The following CTNNA3 variants were observed in gnomAD, a reference collection of about 807,000 sequenced individuals.
CTNNA3 encodes the protein catenin alpha-3.
Under a neutral mutation model 95.7 loss-of-function variants are expected in CTNNA3, and 76 were observed. The ratio of observed to expected loss-of-function variants is 0.79; its 90% CI spans 0.66 to 0.96. The LOEUF is 0.96. Among genes scored for constraint, CTNNA3 ranks in the 40% least tolerant of loss-of-function variants. The pLI is 0.00. For missense variants in CTNNA3, 1,191 were observed against 1,089.8 expected, an observed-to-expected ratio of 1.09 and a Z score of -1.31; for synonymous variants, 431 against 374.4, an observed-to-expected ratio of 1.15 and a Z score of -1.74.
intron 13 of CTNNA3, among the ~76,000 whole-genome samples, chr10:66,123,812 T>G (rs112952262): frequency 1.4e-3 from 209 of 152,258 alleles, no homozygotes; most frequent in African/African-American, 4.9e-3. Context: ...AAGCTCGACA[T>G]TTGCCCCTTT....
At chr10:66,869,305 A>C (rs1421024453) in intron 7 of CTNNA3, among the ~76,000 whole-genome samples, 1 of 152,130 alleles carries the variant, frequency 6.6e-6, no homozygotes, top group Non-Finnish European at 1.5e-5. Context: ...TAAAAGAACA[A>C]TCAGGGCTGG....
At chr10:67,005,752 C>T (rs2140376) in intron 7 of CTNNA3, among the ~76,000 whole-genome samples, 73,070 of 133,648 alleles carry the variant, frequency 0.55, 19,849 homozygotes, top group Middle Eastern at 0.75. Flanking sequence ...ATGGTATGAT[C>T]TTGACTCACT....
intron 9 of CTNNA3, among the ~76,000 whole-genome samples, chr10:66,667,927 A>G (rs1846514454): frequency 1.3e-5 from 2 of 152,126 alleles, no homozygotes; most frequent in Non-Finnish European, 2.9e-5. Flanking sequence ...ATATACTCTT[A>G]TAGTGCCCAC....
intron 15 of CTNNA3, among the ~76,000 whole-genome samples, chr10:66,048,872 C>G (rs1011041152): frequency 2.0e-5 from 3 of 152,138 alleles, no homozygotes; most frequent in Non-Finnish European, 4.4e-5. Context: ...TCTGGACATA[C>G]AAACAGGCAA....
intron 2 of CTNNA3, among the ~76,000 whole-genome samples, chr10:67,637,519 C>T (rs1043796921): frequency 2.0e-5 from 3 of 152,096 alleles, no homozygotes; most frequent in Admixed American, 1.3e-4. Flanking sequence ...GAGAATACCA[C>T]AAAGATATTC....
chr10:66,754,561 CA>C (rs1375951396), intron 9 of CTNNA3, among the ~76,000 whole-genome samples: 4 of 151,810 alleles, frequency 2.6e-5, no homozygotes, highest in Non-Finnish European at 5.9e-5. Flanking sequence ...AGAATACCAT[CA>C]AAAAAGGGAA....
intron 7 of CTNNA3, among the ~76,000 whole-genome samples, chr10:67,106,411 T>A (rs776058896): frequency 3.3e-5 from 5 of 152,226 alleles, no homozygotes; most frequent in Non-Finnish European, 7.3e-5. Flanking sequence ...ACTGATTGTG[T>A]TCTGTAATTA....
chr10:66,883,922 T>A (rs1844938134), intron 7 of CTNNA3, among the ~76,000 whole-genome samples: 1 of 152,156 alleles, frequency 6.6e-6, no homozygotes, highest in African/African-American at 2.4e-5. Flanking sequence ...TTTATTTTTT[T>A]AAAAAAAGTT....
rs541623771 is a variant in CTNNA3, at chr10:65,929,725, C to T, written c.2401-9108G>A. 1.1e-4 allele frequency among the ~76,000 whole-genome samples: 17 copies of T among 152,024 alleles called. No individual in the cohort carries two copies. In the South Asian group the frequency reaches 3.3e-3, roughly 30 times the overall value. The stretch of plus-strand genomic sequence containing the variant: ...CTGGGACTACAGGCACCCGCCACCA[C>T]GCCCTGCTAATTTTTGTATTTTTAG... On this transcript the variant is annotated intron_variant, in intron 17 of 17. Coordinates refer to ENST00000433211, the MANE Select transcript of CTNNA3 (RefSeq NM_013266.4).
chr10:66,900,880 A>G (rs1845712492), intron 7 of CTNNA3, among the ~76,000 whole-genome samples: 1 of 152,244 alleles, frequency 6.6e-6, no homozygotes, highest in African/African-American at 2.4e-5. Flanking sequence ...GGACTATGTG[A>G]AAAGACCAAA....
At chr10:66,513,047 C>T (rs1417178900) in intron 11 of CTNNA3, among the ~76,000 whole-genome samples, 2 of 152,068 alleles carry the variant, frequency 1.3e-5, no homozygotes, top group African/African-American at 4.8e-5. Flanking sequence ...TGATTATCTC[C>T]CAAGAGTTGG....
chr10:66,384,275 A>T (rs2092869465), intron 11 of CTNNA3, among the ~76,000 whole-genome samples: 1 of 152,108 alleles, frequency 6.6e-6, no homozygotes, highest in Non-Finnish European at 1.5e-5. Flanking sequence ...ATGGAAAACA[A>T]AAAAAAGCAG....
At chr10:65,927,211 T>C (rs1317695490) in intron 17 of CTNNA3, among the ~76,000 whole-genome samples, 2 of 152,138 alleles carry the variant, frequency 1.3e-5, no homozygotes, top group Non-Finnish European at 2.9e-5. Context: ...CTTTAAAAAT[T>C]TTTCTAGTAA....
intron 5 of CTNNA3, among the ~76,000 whole-genome samples, chr10:67,498,204 T>C (rs1444636108): frequency 6.6e-6 from 1 of 152,218 alleles, no homozygotes; most frequent in African/African-American, 2.4e-5. Context: ...CTTTTCCCCA[T>C]TGCTTGTTTT....
chr10:66,075,470 A>G (rs1010721573), intron 14 of CTNNA3, among the ~76,000 whole-genome samples: 2 of 151,780 alleles, frequency 1.3e-5, no homozygotes, highest in Non-Finnish European at 3.0e-5. Context: ...CCTGGAATAT[A>G]TTAGGGACTC....
intron 5 of CTNNA3, among the ~76,000 whole-genome samples, chr10:67,388,660 G>A (rs1178632257): frequency 3.3e-5 from 5 of 151,110 alleles, no homozygotes; most frequent in African/African-American, 1.2e-4. Context: ...CAGCCAGAGA[G>A]AAAGGTCGGG....
chr10:67,058,915 G>A (rs534529691), intron 7 of CTNNA3, among the ~76,000 whole-genome samples: 257 of 152,196 alleles, frequency 1.7e-3, no homozygotes, highest in African/African-American at 5.9e-3. Flanking sequence ...CTAGGCAGGC[G>A]TCAAGGACAT....
At chr10:67,726,394 ATT>A (rs1491545508) in intron 1 of CTNNA3, among the ~76,000 whole-genome samples, 16 of 44,536 alleles carry the variant, frequency 3.6e-4, no homozygotes, top group African/African-American at 2.3e-3. Context: ...AATTATATAT[ATT>A]ATATATTATA....
At chr10:67,336,442 A>C (rs567114411) in intron 5 of CTNNA3, among the ~76,000 whole-genome samples, 29 of 152,240 alleles carry the variant, frequency 1.9e-4, no homozygotes, top group Non-Finnish European at 3.5e-4. Context: ...ATTTAGGGAA[A>C]GAAGTTTCCT....
Sources: gnomAD v4.1 joint callset for allele counts (sites outside exome capture counted in the v4.1 genomes callset) on GRCh38, gnomAD v4.1.1 for gene constraint, MANE v1.5 for transcripts, NCBI Gene and HGNC (gene_info 2026-07-23, HGNC 2026-07-21) for gene names.